The following PRMT1 variants were observed in gnomAD, a reference collection of about 807,000 sequenced individuals.
The protein encoded by PRMT1 is protein arginine methyltransferase 1.
Under a neutral mutation model 47.4 loss-of-function variants are expected in PRMT1, and 5 were observed. The observed-to-expected ratio is 0.11, with a 90% CI of 0.06 to 0.22. The LOEUF (loss-of-function observed/expected upper bound fraction) is 0.22, where lower values mean the gene tolerates loss of function less well. Among genes scored for constraint, PRMT1 ranks in the 10% least tolerant of loss-of-function variants. The probability of loss-of-function intolerance (pLI) is 1.00; values close to 1 mark genes in which losing one functional copy is unlikely to be tolerated. For missense variants in PRMT1, 249 were observed against 518.4 expected, an observed-to-expected ratio of 0.48 and a Z score of 5.05; for synonymous variants, 227 against 204.6, an observed-to-expected ratio of 1.11 and a Z score of -0.94.
At position 49,684,471 on chromosome 19, in the gene PRMT1, G is replaced by A. The variant is rs1023475742; in HGVS notation, c.556-283G>A. ...AGGAGTGGAGGTGAGGGGTGACAGG[G>A]CGTGTGCAGATTTTGTGGAGGCTTA... On this transcript the variant is annotated intron_variant, in intron 6 of 10. Coordinates refer to ENST00000454376, the MANE Select transcript of PRMT1 (RefSeq NM_001536.6). This position sits in a 1 kb window ranked among gnomAD's most constrained non-coding sequence, Gnocchi z 6.2. Among the ~76,000 whole-genome samples, 3 of 152,142 alleles carry A rather than the reference G, an allele frequency of 2.0e-5. No homozygotes were observed. Among genetic ancestry groups the A allele is most frequent in the African/African-American group, 7.2e-5 (3 of 41,438 alleles).
intron 10 of PRMT1, among the ~76,000 whole-genome samples, chr19:49,686,952 G>C (rs186151532): frequency 4.5e-4 from 69 of 152,234 alleles, no homozygotes; most frequent in African/African-American, 1.5e-3. Flanking sequence ...AGCATTCACC[G>C]GAAGTTATGG....
At position 49,681,496 on chromosome 19, in the gene PRMT1, A is replaced by G. The variant is rs540113647; in HGVS notation, c.193-414A>G. ...TTCACGCCTGTAATCCCAGCACTTT[A>G]GGGGGCTGAGGTGGGTGGATCACCT... On this transcript the variant is annotated intron_variant, in intron 3 of 10. Coordinates refer to ENST00000454376, the MANE Select transcript of PRMT1 (RefSeq NM_001536.6). The surrounding 1 kb of genome is among the most constrained non-coding windows in gnomAD (Gnocchi z 4.4). Among the ~76,000 whole-genome samples the G allele has an allele frequency of 6.6e-6, 1 of 152,230 alleles. No individual in the cohort carries two copies. Among genetic ancestry groups the G allele is most frequent in the Non-Finnish European group, 1.5e-5 (1 of 68,010 alleles).
chr19:49,679,603 C>A, intron 1 of PRMT1: 1 of 694,230 alleles, frequency 1.4e-6, no homozygotes, highest in Non-Finnish European at 2.6e-6. Flanking sequence ...GGTGTGTGGT[C>A]AGCTGCCTGG....
In PRMT1 at chr19:49,683,749, C is replaced by T. The variant is rs752446980; in HGVS notation, c.413-178C>T. ...ACCCAGTCCACATAAAATTTCTGCTCCTGCCTCAAAAATGTCCAGAACGAT... is the reference window on the plus strand; with the variant it reads ...ACCCAGTCCACATAAAATTTCTGCTTCTGCCTCAAAAATGTCCAGAACGAT... On this transcript the variant is annotated intron_variant, in intron 5 of 10. Coordinates refer to ENST00000454376, the MANE Select transcript of PRMT1 (RefSeq NM_001536.6). 9.1e-6 allele frequency: 6 copies of T among 659,414 alleles called. No individual in the cohort carries two copies. In the Admixed American group the frequency reaches 1.5e-4, roughly 17 times the overall value. The allele number at this position is 659,414 out of a possible 1,614,324, so 40.8% of individuals were successfully genotyped here.
At chr19:49,687,107 C>T (rs2082219341) in intron 10 of PRMT1, among the ~76,000 whole-genome samples, 1 of 152,126 alleles carries the variant, frequency 6.6e-6, no homozygotes, top group Non-Finnish European at 1.5e-5. Flanking sequence ...GGCTCCAGGG[C>T]AAGAGGCAGC....
In PRMT1 at chr19:49,685,552, A is replaced by T; in HGVS notation, c.759+515A>T. ...TACTTCTGAGACCCTGTTTAAAAAA[A>T]AAAAATACGGCGATGAGTATTTGTT... On this transcript the variant is annotated intron_variant, in intron 8 of 10. Coordinates refer to ENST00000454376, the MANE Select transcript of PRMT1 (RefSeq NM_001536.6). The surrounding 1 kb of genome is among the most constrained non-coding windows in gnomAD (Gnocchi z 4.7). 9.8e-7 allele frequency: 1 copy of T among 1,021,478 alleles called. No individual in the cohort carries two copies. The highest frequency in any genetic ancestry group is 1.2e-6 in the Non-Finnish European group (1 of 851,426). 63.3% of individuals were successfully genotyped at this position (1,021,478 alleles called of 1,614,324 possible).
rs780353620 is a variant in PRMT1 at position 49,680,481 on chromosome 19, T to C, written c.91-6T>C. On this transcript the variant is annotated splice_region_variant and splice_polypyrimidine_tract_variant and intron_variant, in intron 2 of 10. Coordinates refer to ENST00000454376, the MANE Select transcript of PRMT1 (RefSeq NM_001536.6). The surrounding 1 kb of genome is among the most constrained non-coding windows in gnomAD (Gnocchi z 4.2). ...CTGACCCATGATCCCATCGGCCCCC[T>C]CCCAGGTGTCCTGTGGCCAGGCGGA... 6.2e-7 allele frequency: 1 copy of C among 1,611,936 alleles called. No individual in the cohort carries two copies. Among genetic ancestry groups the C allele is most frequent in the Non-Finnish European group, 8.5e-7 (1 of 1,178,110 alleles).
At chr19:49,679,964 T>A in intron 2 of PRMT1, 39 bp downstream of exon 2, 1 of 1,557,974 alleles carries the variant, frequency 6.4e-7, no homozygotes, top group Non-Finnish European at 8.8e-7. Context: ...CACCCTGACC[T>A]CCACATCAAT....
At chr19:49,683,082 T>A (rs2082144538) in intron 5 of PRMT1, among the ~76,000 whole-genome samples, 1 of 151,554 alleles carries the variant, frequency 6.6e-6, no homozygotes, top group East Asian at 2.0e-4. Context: ...GAACTTTTTT[T>A]TTTTTTGTAT....
upstream of PRMT1, chr19:49,677,156 C>A: frequency 1.1e-6 from 1 of 918,526 alleles, no homozygotes; most frequent in Non-Finnish European, 1.5e-6. Context: ...GCCTCCATTG[C>A]CAATGAAATC....
At position 49,681,242 on chromosome 19, in the gene PRMT1, T is replaced by A. The variant is rs575199575; in HGVS notation, c.192+654T>A. Among the ~76,000 whole-genome samples the A allele has an allele frequency of 1.4e-3, 215 of 152,196 alleles. No homozygotes were observed. The highest frequency in any genetic ancestry group is 5.0e-3 in the African/African-American group (208 of 41,538). Reference sequence around the variant, plus strand: ...TGTTCTTATTTTTCTGTAGAGATAATCTTGCCTTGTTGCCCAGGCTGGTCT... The same window carrying A: ...TGTTCTTATTTTTCTGTAGAGATAAACTTGCCTTGTTGCCCAGGCTGGTCT... On this transcript the variant is annotated intron_variant, in intron 3 of 10. Coordinates refer to ENST00000454376, the MANE Select transcript of PRMT1 (RefSeq NM_001536.6). This position sits in a 1 kb window ranked among gnomAD's most constrained non-coding sequence, Gnocchi z 4.4.
At position 49,688,048 on chromosome 19, in the gene PRMT1, G is replaced by T. The variant is rs912683201; in HGVS notation, c.1033-114G>T. On this transcript the variant is annotated intron_variant, in intron 10 of 10. Transcript: ENST00000454376. The surrounding 1 kb of genome is among the most constrained non-coding windows in gnomAD (Gnocchi z 5.3). ...GGGACCAGCAGTTGGGGTCTGCAGC[G>T]TGGAGATGGGCAGGAAGCTGGAGCC... The T allele has an allele frequency of 1.2e-4, 117 of 951,164 alleles. No homozygotes were observed. Among genetic ancestry groups the T allele is most frequent in the Non-Finnish European group, 1.8e-4 (107 of 581,410 alleles). 58.9% of individuals were successfully genotyped at this position (951,164 alleles called of 1,614,324 possible).
Position 49,685,786 on chromosome 19 carries a change from G to A in PRMT1, c.760-307G>A. Reference sequence around the variant, plus strand: ...GCCATCATGTTGTTGGACTTGTCAAGGGGTTGGGGAGACAGTGGAGTGGGG... The same window carrying A: ...GCCATCATGTTGTTGGACTTGTCAAAGGGTTGGGGAGACAGTGGAGTGGGG... On this transcript the variant is annotated intron_variant, in intron 8 of 10. Transcript: ENST00000454376. This position sits in a 1 kb window ranked among gnomAD's most constrained non-coding sequence, Gnocchi z 4.7. 1 of 1,183,206 alleles carries A rather than the reference G, an allele frequency of 8.5e-7. No individual in the cohort carries two copies. The highest frequency in any genetic ancestry group is 1.1e-6 in the Non-Finnish European group (1 of 951,738). The allele number at this position is 1,183,206 out of a possible 1,614,324, so 73.3% of individuals were successfully genotyped here. A position where few individuals can be genotyped will look rare whatever the true frequency, so the allele number is the denominator to read the frequency against.
rs766624317 is a variant in PRMT1, at chr19:49,680,528, T to G, written c.132T>G (p.Ala44=). 6 of 1,613,988 alleles carry G rather than the reference T, an allele frequency of 3.7e-6. No homozygotes were observed. In the East Asian group the frequency reaches 1.1e-4, roughly 30 times the overall value. Residue 44 remains alanine (A), a synonymous_variant, in exon 3 of 11, where the codon GCT becomes GCG. Transcript: ENST00000454376. The surrounding 1 kb of genome is among the most constrained non-coding windows in gnomAD (Gnocchi z 4.2). ...CGGAAAGCAGTGAGAAGCCCAACGC[T>G]GAGGACATGACATCCAAAGATTACT... ...GQAESSEKPN[A]EDMTSKDYYF...
rs774869422 is a variant in PRMT1, at chr19:49,685,095, C to G, written c.759+58C>G. 6.2e-7 allele frequency: 1 copy of G among 1,609,680 alleles called. No individual in the cohort carries two copies. ...GGTTGAAACCAAAGAGAGGCCATCA[C>G]CTGGCCCTGGCATGGGACTTTGGGG... On this transcript the variant is annotated intron_variant, in intron 8 of 10. Transcript: ENST00000454376. The surrounding 1 kb of genome is among the most constrained non-coding windows in gnomAD (Gnocchi z 4.7).
chr19:49,682,113 G>A, intron 4 of PRMT1, 48 bp downstream of exon 4: 3 of 1,613,612 alleles, frequency 1.9e-6, no homozygotes, highest in South Asian at 2.2e-5. Context: ...GGGATGGAGG[G>A]GAGCCCATCA....
intron 5 of PRMT1, 83 bp from the exon 6 acceptor site, chr19:49,683,844 T>C (rs1599946332): frequency 6.7e-7 from 1 of 1,503,358 alleles, no homozygotes; most frequent in Middle Eastern, 1.8e-4. Flanking sequence ...TGAAGTGGGG[T>C]CCCCAGGCTC....
chr19:49,679,397 C>G (rs1294223677), intron 1 of PRMT1, among the ~76,000 whole-genome samples: 1 of 152,174 alleles, frequency 6.6e-6, no homozygotes, highest in Non-Finnish European at 1.5e-5. Context: ...TCCTCTCAGA[C>G]ATGAGACTGG....
upstream of PRMT1, among the ~76,000 whole-genome samples, chr19:49,676,911 C>A (rs1449506914): frequency 6.6e-6 from 1 of 152,160 alleles, no homozygotes; most frequent in Non-Finnish European, 1.5e-5. Context: ...TTTCAAGACG[C>A]CCCTTTAGCG....
Sources: allele counts gnomAD v4.1 joint callset (sites outside exome capture counted in the v4.1 genomes callset), GRCh38; gene constraint gnomAD v4.1.1; non-coding constraint Gnocchi (gnomAD v3.1); transcripts MANE v1.5; gene names NCBI Gene and HGNC (gene_info 2026-07-23, HGNC 2026-07-21).